The following WRN variants were observed in gnomAD, a reference collection of about 807,000 sequenced individuals.
The protein encoded by WRN is WRN RecQ like helicase, also known as bifunctional 3'-5' exonuclease/ATP-dependent helicase WRN.
WRN carries 149 observed loss-of-function variants against 180.7 expected under a neutral mutation model. The ratio of observed to expected loss-of-function variants is 0.82; its 90% CI spans 0.72 to 0.94. The LOEUF is 0.94. WRN is among the 40% of genes least tolerant of loss of function. The probability of loss-of-function intolerance (pLI) is 0.00; values close to 1 mark genes in which losing one functional copy is unlikely to be tolerated. For synonymous variants in WRN, 548 were observed against 568.9 expected, an observed-to-expected ratio of 0.96 and a Z score of 0.52; for missense variants, 1,661 against 1,700.1, an observed-to-expected ratio of 0.98 and a Z score of 0.40.
intron 1 of WRN, among the ~76,000 whole-genome samples, chr8:31,042,713 G>A (rs926939293): frequency 2.0e-5 from 3 of 152,088 alleles, no homozygotes; most frequent in Non-Finnish European, 4.4e-5. Flanking sequence ...ATAATTTATT[G>A]GTGAGAAGGT....
chr8:31,092,742 A>G (rs1181271208), intron 16 of WRN, among the ~76,000 whole-genome samples: 1 of 151,986 alleles, frequency 6.6e-6, no homozygotes, highest in Non-Finnish European at 1.5e-5. Flanking sequence ...AAGTTTCTTC[A>G]TGTCCCTCCC....
At position 31,116,536 on chromosome 8, in the gene WRN, G is replaced by A. The variant is rs1377130025; in HGVS notation, c.2448+8G>A. 5.6e-6 allele frequency: 9 copies of A among 1,613,450 alleles called. No homozygotes were observed. Among genetic ancestry groups the A allele is most frequent in the Middle Eastern group, 1.7e-4 (1 of 6,056 alleles). On this transcript the variant is annotated splice_region_variant and intron_variant, in intron 20 of 34. Coordinates refer to ENST00000298139, the MANE Select transcript of WRN (RefSeq NM_000553.6). ...GTAAGAGATGAAATTCAGGTATGAGGATCAATCATCATTGCTCTCCGTTGC... is the reference window on the plus strand; with the variant it reads ...GTAAGAGATGAAATTCAGGTATGAGAATCAATCATCATTGCTCTCCGTTGC...
At position 31,081,182 on chromosome 8, in the gene WRN, G is replaced by T; in HGVS notation, c.1155G>T (p.Glu385Asp). 6.2e-7 allele frequency: 1 copy of T among 1,614,008 alleles called. No individual in the cohort carries two copies. The highest frequency in any genetic ancestry group is 8.5e-7 in the Non-Finnish European group (1 of 1,179,968). The change falls in exon 9 of 35, where the codon GAG (glutamate) becomes GAT (aspartate). Residue 385 changes from glutamate to aspartate, a missense_variant. Glu to Asp is a conservative substitution (Grantham distance 45). Around this residue, in one of 3 missense-constraint regions of WRN, gnomAD observed 500 missense variants for 504.1 expected, o/e 0.99. Coordinates refer to ENST00000298139, the MANE Select transcript of WRN (RefSeq NM_000553.6). ...GAGTAGAAGACAACAAATTGAAAGA[G>T]AATATGGAAAGAGCTTGTTTGATGT... ...EDGVEDNKLK[E>D]NMERACLMSL...
chr8:31,150,544 A>G, intron 31 of WRN, 89 bp downstream of exon 31: 1 of 1,111,694 alleles, frequency 9.0e-7, no homozygotes, highest in Non-Finnish European at 1.4e-6. Flanking sequence ...ACATTTGCTC[A>G]CTTTATTTGC....
chr8:31,082,960 TC>T (rs1333590002), intron 9 of WRN, among the ~76,000 whole-genome samples: 2 of 152,238 alleles, frequency 1.3e-5, no homozygotes, highest in Non-Finnish European at 2.9e-5. Flanking sequence ...TAACTTTTTT[TC>T]CTAGTACAAA....
At chr8:31,169,855 C>T (rs574447841) in intron 34 of WRN, among the ~76,000 whole-genome samples, 5 of 150,476 alleles carry the variant, frequency 3.3e-5, no homozygotes, top group Admixed American at 6.6e-5. Flanking sequence ...AAGGCAGCCT[C>T]GGCTAGTCCC....
In WRN at chr8:31,174,924, C is replaced by A. The variant is rs1804235161; in HGVS notation, c.*1822C>A. ...TTTCTTTCTTTTTCTTTCTCTTTTT[C>A]TTTCTTTCAAGCAGTCCTCCCGCCT... On this transcript the variant is annotated 3_prime_UTR_variant, in exon 35 of 35. Transcript: ENST00000298139. 7.0e-6 allele frequency among the ~76,000 whole-genome samples: 1 copy of A among 143,844 alleles called. No individual in the cohort carries two copies. Among genetic ancestry groups the A allele is most frequent in the South Asian group, 2.2e-4 (1 of 4,496 alleles). 94.4% of individuals were successfully genotyped at this position (143,844 alleles called of 152,430 possible).
At chr8:31,066,086 C>T (rs1383942906) in intron 5 of WRN, among the ~76,000 whole-genome samples, 1 of 151,980 alleles carries the variant, frequency 6.6e-6, no homozygotes, top group Non-Finnish European at 1.5e-5. Flanking sequence ...CCATCTTGGT[C>T]AGGCTGATCT....
At chr8:31,104,624 T>G (rs1299225257) in intron 18 of WRN, among the ~76,000 whole-genome samples, 1 of 152,212 alleles carries the variant, frequency 6.6e-6, no homozygotes, top group African/African-American at 2.4e-5. Context: ...TTTCCTAAAA[T>G]TGTTACAGTT....
At position 31,091,836 on chromosome 8, in the gene WRN, C is replaced by A. The variant is rs1271419750; in HGVS notation, c.1836C>A (p.Ser612=). 6.2e-7 allele frequency: 1 copy of A among 1,612,898 alleles called. No homozygotes were observed. Among genetic ancestry groups the A allele is most frequent in the South Asian group, 1.1e-5 (1 of 91,060 alleles). The change falls in exon 16 of 35, where the codon TCC becomes TCA. Residue 612 remains serine (S), a synonymous_variant. Transcript: ENST00000298139. Reference sequence around the variant, plus strand: ...TTTGTTTTTCTTCTTATAGAATGTCCAACATCCCAGCTTGCTTCCTTGGAT... The same window carrying A: ...TTTGTTTTTCTTCTTATAGAATGTCAAACATCCCAGCTTGCTTCCTTGGAT... The part of the protein sequence containing the change: ...MEDQVLQLKM[S]NIPACFLGSA...
At chr8:31,083,216 A>T (rs1164556471) in intron 9 of WRN, among the ~76,000 whole-genome samples, 2 of 152,224 alleles carry the variant, frequency 1.3e-5, no homozygotes, top group African/African-American at 4.8e-5. Context: ...TTTTTCAATT[A>T]TATAGAGAAT....
chr8:31,166,580 G>T (rs11574394), intron 33 of WRN, among the ~76,000 whole-genome samples: 1 of 152,088 alleles, frequency 6.6e-6, no homozygotes. Flanking sequence ...TTACAGGTAC[G>T]ATTAGCTTCT....
chr8:31,062,369 T>C (rs953912648), intron 3 of WRN, among the ~76,000 whole-genome samples: 1 of 151,788 alleles, frequency 6.6e-6, no homozygotes. Context: ...ATAATAGATA[T>C]GCATATTCCT....
intron 31 of WRN, 151 bp downstream of exon 31, chr8:31,150,606 T>C (rs537549787): frequency 2.3e-5 from 16 of 709,228 alleles, no homozygotes; most frequent in African/African-American, 2.1e-4. Flanking sequence ...TTACAGTCAA[T>C]CTGTTGTAAA....
intron 19 of WRN, among the ~76,000 whole-genome samples, chr8:31,115,406 A>G (rs1195260022): frequency 1.3e-5 from 2 of 152,162 alleles, no homozygotes; most frequent in African/African-American, 4.8e-5. Context: ...AAGGTTTTAT[A>G]ATTTTTTTAA....
intron 19 of WRN, 53 bp downstream of exon 19, chr8:31,111,852 TAACAAC>T: frequency 6.7e-7 from 1 of 1,501,184 alleles, no homozygotes; most frequent in Non-Finnish European, 9.2e-7. Flanking sequence ...TTTTTTTTTT[TAACAAC>T]TTATGTATTT....
At chr8:31,113,602 T>C (rs528526685) in intron 19 of WRN, among the ~76,000 whole-genome samples, 2 of 152,294 alleles carry the variant, frequency 1.3e-5, no homozygotes, top group South Asian at 4.1e-4. Context: ...GTCTCTATGG[T>C]ACTTTCCCTT....
intron 16 of WRN, among the ~76,000 whole-genome samples, chr8:31,095,858 A>G (rs945199385): frequency 2.6e-5 from 4 of 152,100 alleles, no homozygotes; most frequent in African/African-American, 7.2e-5. Flanking sequence ...TGGCTATTCT[A>G]TGTCCTTTGT....
chr8:31,111,550 G>A (rs917181898), intron 18 of WRN, 65 bp from the exon 19 acceptor site: 5 of 1,568,152 alleles, frequency 3.2e-6, no homozygotes, highest in Non-Finnish European at 4.4e-6. Flanking sequence ...TTGTAAGAAA[G>A]CTATAGACAT....
Sources: gnomAD v4.1 joint callset for allele counts (sites outside exome capture counted in the v4.1 genomes callset) on GRCh38, gnomAD v4.1.1 for gene constraint, gnomAD v4.1.1 regional missense constraint, MANE v1.5 for transcripts, NCBI Gene and HGNC (gene_info 2026-07-23, HGNC 2026-07-21) for gene names.